Variants in FAM168B observed in about 807,000 individuals in gnomAD.
The protein encoded by FAM168B is myelin-associated neurite-outgrowth inhibitor.
In FAM168B, 19 loss-of-function variants were observed where a neutral mutation model predicts 21.8. The observed-to-expected ratio is 0.87, with a 90% CI of 0.61 to 1.28. The LOEUF is 1.28. Among genes scored for constraint, FAM168B ranks in the 50% most tolerant of loss-of-function variants. The probability of loss-of-function intolerance (pLI) is 0.00; values close to 1 mark genes in which losing one functional copy is unlikely to be tolerated. For synonymous variants in FAM168B, 126 were observed against 104.8 expected, an observed-to-expected ratio of 1.20 and a Z score of -1.24; for missense variants, 233 against 263.1, an observed-to-expected ratio of 0.89 and a Z score of 0.79.
intron 1 of FAM168B, among the ~76,000 whole-genome samples, chr2:131,090,319 C>CAAAA (rs1179969129): frequency 1.2e-3 from 86 of 74,476 alleles, no homozygotes; most frequent in East Asian, 2.2e-3. Context: ...ACTCTTGTCT[C>CAAAA]AAAAAAAAAA....
intron 2 of FAM168B, among the ~76,000 whole-genome samples, chr2:131,074,178 G>A (rs113232321): frequency 6.6e-6 from 1 of 152,164 alleles, no homozygotes; most frequent in African/African-American, 2.4e-5. Context: ...TGCCAGGCTG[G>A]AGTGCAATGG....
intron 3 of FAM168B, among the ~76,000 whole-genome samples, chr2:131,063,934 C>G (rs1692431039): frequency 6.6e-6 from 1 of 151,910 alleles, no homozygotes. Flanking sequence ...ACTTCACAAA[C>G]TTTAAATAAA....
At chr2:131,090,762 T>A (rs1194867514) in intron 1 of FAM168B, among the ~76,000 whole-genome samples, 2 of 152,176 alleles carry the variant, frequency 1.3e-5, no homozygotes, top group African/African-American at 4.8e-5. Flanking sequence ...GGAGTCTCGC[T>A]TTGTTGCCCA....
intron 1 of FAM168B, among the ~76,000 whole-genome samples, chr2:131,089,030 G>C (rs538381218): frequency 1.2e-4 from 18 of 150,904 alleles, no homozygotes; most frequent in African/African-American, 4.2e-4. Flanking sequence ...GCAATGGCGC[G>C]ATCTCAGCTC....
chr2:131,088,376 G>C (rs1407749510), intron 1 of FAM168B, among the ~76,000 whole-genome samples: 1 of 151,800 alleles, frequency 6.6e-6, no homozygotes, highest in Non-Finnish European at 1.5e-5. Flanking sequence ...ACATTCCAGA[G>C]GACAAATGAC....
chr2:131,081,201 ATTCT>A (rs1215364890), intron 2 of FAM168B, among the ~76,000 whole-genome samples: 2 of 151,830 alleles, frequency 1.3e-5, no homozygotes, highest in Admixed American at 1.3e-4. Context: ...TATGTTTCTG[ATTCT>A]TTCTTTTATA....
At chr2:131,057,349 A>G (rs1018688021) in intron 3 of FAM168B, among the ~76,000 whole-genome samples, 1 of 152,242 alleles carries the variant, frequency 6.6e-6, no homozygotes, top group Non-Finnish European at 1.5e-5. Flanking sequence ...AATCAAAAGG[A>G]AAAAACATGG....
At position 131,062,663 on chromosome 2, in the gene FAM168B, G is replaced by A. The variant is rs144143391; in HGVS notation, c.155-6968C>T. Among the ~76,000 whole-genome samples the A allele has an allele frequency of 3.1e-3, 469 of 152,270 alleles. 1 individual carries two copies. Among genetic ancestry groups the A allele is most frequent in the South Asian group, 7.0e-3 (34 of 4,826 alleles). ...GGATTCACCTATGTTGGCCAGGCTG[G>A]TCTCGAAGTCCTGATCTCAAGTGAT... is the stretch of plus-strand genomic sequence containing the variant. On this transcript the variant is annotated intron_variant, in intron 3 of 6. Coordinates refer to ENST00000389915, the MANE Select transcript of FAM168B (RefSeq NM_001009993.4).
intron 3 of FAM168B, 39 bp downstream of exon 3, chr2:131,071,816 C>T (rs776816428): frequency 1.1e-5 from 18 of 1,580,842 alleles, no homozygotes; most frequent in South Asian, 8.9e-5. Context: ...CTTTCTCTCC[C>T]AGCTGTACGT....
intron 1 of FAM168B, among the ~76,000 whole-genome samples, chr2:131,091,234 G>C (rs1694004180): frequency 1.3e-5 from 2 of 152,138 alleles, no homozygotes; most frequent in African/African-American, 4.8e-5. Context: ...AGCTACTCCG[G>C]AGGCTGAGGC....
At chr2:131,067,732 C>A (rs1320687988) in intron 3 of FAM168B, among the ~76,000 whole-genome samples, 2 of 152,062 alleles carry the variant, frequency 1.3e-5, no homozygotes, top group South Asian at 2.1e-4. Flanking sequence ...CTCACACACA[C>A]ACACACACAT....
intron 2 of FAM168B, among the ~76,000 whole-genome samples, chr2:131,076,935 TTC>T (rs1215806005): frequency 1.4e-5 from 2 of 147,186 alleles, no homozygotes; most frequent in South Asian, 2.1e-4. Flanking sequence ...GGAAAACACA[TTC>T]TGTTAGCCAG....
In FAM168B at chr2:131,052,555, A is replaced by C. The variant is rs935594456; in HGVS notation, c.*13-103T>G. 9.6e-6 allele frequency: 9 copies of C among 939,548 alleles called. No homozygotes were observed. In the African/African-American group the frequency reaches 1.1e-4, roughly 11 times the overall value. 58.2% of individuals were successfully genotyped at this position (939,548 alleles called of 1,614,324 possible). On this transcript the variant is annotated intron_variant, in intron 6 of 6. Transcript: ENST00000389915. ...GCCCAGCAGGGTCGGAAAGGGCAGC[A>C]ATGGGCAAAACTGCTGGACCTGGTT... is the stretch of plus-strand genomic sequence containing the variant.
intron 1 of FAM168B, among the ~76,000 whole-genome samples, chr2:131,088,617 T>G (rs946497494): frequency 1.3e-5 from 2 of 152,170 alleles, no homozygotes; most frequent in Admixed American, 6.6e-5. Context: ...AACAGTACTG[T>G]GATTATGTAT....
At chr2:131,081,768 A>G (rs1367296903) in intron 2 of FAM168B, among the ~76,000 whole-genome samples, 2 of 152,174 alleles carry the variant, frequency 1.3e-5, no homozygotes, top group Non-Finnish European at 2.9e-5. Flanking sequence ...CAGGCACGAC[A>G]TTAGTTCAAA....
chr2:131,049,146 T>C lies in FAM168B; in HGVS notation c.*3319A>G. The C allele has an allele frequency of 5.1e-6, 5 of 985,396 alleles. No homozygotes were observed. The highest frequency in any genetic ancestry group is 4.8e-6 in the Non-Finnish European group (4 of 829,924). The allele number at this position is 985,396 out of a possible 1,614,324, so 61.0% of individuals were successfully genotyped here. On this transcript the variant is annotated 3_prime_UTR_variant, in exon 7 of 7. Coordinates refer to ENST00000389915, the MANE Select transcript of FAM168B (RefSeq NM_001009993.4). ...TGACAGGTATTAGTACGTCGCAAGT[T>C]GCTGTAATAATGTATTTCCTCTCGT...
intron 3 of FAM168B, among the ~76,000 whole-genome samples, chr2:131,062,242 A>G (rs775544667): frequency 6.6e-6 from 1 of 152,236 alleles, no homozygotes; most frequent in Non-Finnish European, 1.5e-5. Context: ...ACCTCTCTCC[A>G]AAGAGGGAGT....
chr2:131,066,084 T>C (rs1692542101), intron 3 of FAM168B, among the ~76,000 whole-genome samples: 1 of 151,948 alleles, frequency 6.6e-6, no homozygotes, highest in Admixed American at 6.6e-5. Flanking sequence ...TTCTCCAATT[T>C]ACCCTCCACC....
At chr2:131,089,861 G>A (rs370469028) in intron 1 of FAM168B, among the ~76,000 whole-genome samples, 20 of 150,644 alleles carry the variant, frequency 1.3e-4, no homozygotes, top group East Asian at 1.2e-3. Flanking sequence ...GTGAAACCCC[G>A]TCTCTACTAA....
Sources: gnomAD v4.1 joint callset for allele counts (sites outside exome capture counted in the v4.1 genomes callset) on GRCh38, gnomAD v4.1.1 for gene constraint, MANE v1.5 for transcripts, NCBI Gene and HGNC (gene_info 2026-07-23, HGNC 2026-07-21) for gene names.